MYH11: variants seen among roughly 807,000 people sequenced by gnomAD.
MYH11 encodes myosin heavy chain 11, also known as myosin-11.
A neutral mutation model predicts 246.6 loss-of-function variants in MYH11; 80 were observed. That is an observed-to-expected ratio of 0.32 (90% CI 0.27 to 0.39). The LOEUF is 0.39. Ranked by LOEUF, MYH11 falls within the 10% of genes least tolerant of loss-of-function variation. MYH11 has a pLI of 1.00. For synonymous variants in MYH11, 1,071 were observed against 1,015.5 expected (o/e 1.05, Z -1.04); for missense variants, 2,158 against 2,546.8 (o/e 0.85, Z 3.29).
At chr16:15,730,730 T>A (rs374679886) in intron 27 of MYH11, among the ~76,000 whole-genome samples, 1 of 152,068 alleles carries the variant, frequency 6.6e-6, no homozygotes, top group East Asian at 1.9e-4. Flanking sequence ...CTGAGGGTAA[T>A]GTAACTCAGG....
At chr16:15,780,781 G>T (rs2042335062) in intron 6 of MYH11, among the ~76,000 whole-genome samples, 1 of 151,876 alleles carries the variant, frequency 6.6e-6, no homozygotes, top group Non-Finnish European at 1.5e-5. Context: ...CTCTGTGCCT[G>T]GTCTAGATTT....
intron 38 of MYH11, 104 bp downstream of exon 38, chr16:15,717,036 T>C: frequency 7.8e-7 from 1 of 1,282,218 alleles, no homozygotes; most frequent in Non-Finnish European, 1.1e-6. Flanking sequence ...AGCTTGCTTC[T>C]TACAAGCCAG....
chr16:15,737,757 C>T (rs569351328), intron 24 of MYH11, 137 bp from the exon 25 acceptor site: 3 of 842,024 alleles, frequency 3.6e-6, no homozygotes, highest in South Asian at 3.0e-5. Flanking sequence ...ACGGTCTGGA[C>T]CATTATCTCC....
At chr16:15,753,358 A>C in intron 15 of MYH11, 36 bp downstream of exon 15, 1 of 1,586,384 alleles carries the variant, frequency 6.3e-7, no homozygotes, top group Non-Finnish European at 8.7e-7. Context: ...TCTCCAGCTC[A>C]AAGCAGAACA....
intron 1 of MYH11, among the ~76,000 whole-genome samples, chr16:15,842,845 A>G (rs11866552): frequency 0.015 from 2,272 of 151,620 alleles, 58 homozygotes; most frequent in African/African-American, 0.05. Context: ...TCAGATATCC[A>G]GAAAGAGAAA....
At chr16:15,760,083 CA>C (rs1384436541) in intron 11 of MYH11, among the ~76,000 whole-genome samples, 2 of 151,494 alleles carry the variant, frequency 1.3e-5, no homozygotes, top group Non-Finnish European at 2.9e-5. Context: ...GGCAACAGAG[CA>C]AGGCTCTGGC....
Position 15,787,764 on chromosome 16 carries a change from G to A in MYH11, c.531-1032C>T, listed in dbSNP as rs551119320. Among the ~76,000 whole-genome samples, 6 of 152,204 alleles carry A rather than the reference G, an allele frequency of 3.9e-5. No individual in the cohort carries two copies. In the East Asian group the frequency reaches 1.2e-3, roughly 29 times the overall value. ...CTAGAAATGGAAAGACCAGGCACAA[G>A]GCAGCCTTCAAGAAAGGATGTAAGT... On this transcript the variant is annotated intron_variant, in intron 4 of 40. Coordinates refer to ENST00000300036, the MANE Select transcript of MYH11 (RefSeq NM_002474.3).
chr16:15,776,155 G>A lies in MYH11; in HGVS notation c.812C>T (p.Ala271Val). The A allele has an allele frequency of 6.2e-7, 1 of 1,613,906 alleles. No homozygotes were observed. The highest frequency in any genetic ancestry group is 8.5e-7 in the Non-Finnish European group (1 of 1,179,818). Residue 271 changes from alanine to valine, a missense_variant, in exon 8 of 41, where the codon GCA becomes GTA. By Grantham distance (64) the Ala-to-Val change is moderately conservative. Coordinates refer to ENST00000300036, the MANE Select transcript of MYH11 (RefSeq NM_002474.3). ...CCTCTCGTCTCTGGCTTGGCGAATTGCCCGTGATTTTTCTAGCAGATCTGG... is the reference window on the plus strand; with the variant it reads ...CCTCTCGTCTCTGGCTTGGCGAATTACCCGTGATTTTTCTAGCAGATCTGG... The part of the protein sequence containing the change: ...IETYLLEKSR[A>V]IRQARDERTF...
At chr16:15,795,165 G>A (rs1313038885) in intron 4 of MYH11, among the ~76,000 whole-genome samples, 1 of 152,020 alleles carries the variant, frequency 6.6e-6, no homozygotes, top group East Asian at 1.9e-4. Context: ...AAAATTAGCT[G>A]GGCATGATGG....
In MYH11 at chr16:15,750,359, G is replaced by A. The variant is rs1312725826; in HGVS notation, c.1865-28C>T. 6.4e-7 allele frequency: 1 copy of A among 1,563,882 alleles called. No homozygotes were observed. Among genetic ancestry groups the A allele is most frequent in the Non-Finnish European group, 8.6e-7 (1 of 1,157,342 alleles). On this transcript the variant is annotated intron_variant, in intron 15 of 40. Coordinates refer to ENST00000300036, the MANE Select transcript of MYH11 (RefSeq NM_002474.3). This position sits in a 1 kb window ranked among gnomAD's most constrained non-coding sequence, Gnocchi z 4.3. ...ATGGGGCACAGCCAGGGTGGCATCA[G>A]CCTCTGGCCCACCCACCCCTAAATA...
intron 40 of MYH11, chr16:15,708,934 G>T: frequency 7.7e-7 from 1 of 1,292,690 alleles, no homozygotes; most frequent in Non-Finnish European, 1.1e-6. Context: ...CATTTGCTTC[G>T]ATTTAATAAT....
Position 15,829,955 on chromosome 16 carries a change from T to C in MYH11, c.346-6544A>G, listed in dbSNP as rs573927125. ...TTCGAGACCAGCCCGGCCAACACAG[T>C]GAAACCTCATCTCTACTAAAAATAC... On this transcript the variant is annotated intron_variant, in intron 2 of 40. Transcript: ENST00000300036. 1.1e-4 allele frequency among the ~76,000 whole-genome samples: 17 copies of C among 152,134 alleles called. No homozygotes were observed. The South Asian group carries it at 3.5e-3, about 32-fold the overall frequency.
intron 34 of MYH11, 78 bp from the exon 35 acceptor site, chr16:15,719,791 C>A: frequency 6.3e-7 from 1 of 1,590,000 alleles, no homozygotes; most frequent in African/African-American, 1.3e-5. Flanking sequence ...GCTTTGCACA[C>A]CCACCCCTTG....
At chr16:15,734,829 C>T (rs2041067823) in intron 26 of MYH11, among the ~76,000 whole-genome samples, 1 of 152,066 alleles carries the variant, frequency 6.6e-6, no homozygotes, top group Admixed American at 6.6e-5. Context: ...TCCAATGTGG[C>T]CAAGGGAAGC....
At chr16:15,712,405 G>A (rs202229573) in intron 40 of MYH11, among the ~76,000 whole-genome samples, 16 of 152,086 alleles carry the variant, frequency 1.1e-4, no homozygotes, top group East Asian at 9.7e-4. Flanking sequence ...ATCCCAGCAC[G>A]TGGGGAGGCT....
At chr16:15,780,289 G>A (rs916768118) in intron 6 of MYH11, among the ~76,000 whole-genome samples, 1 of 151,924 alleles carries the variant, frequency 6.6e-6, no homozygotes, top group African/African-American at 2.4e-5. Context: ...GGCCGCTGTT[G>A]TTAGTGAACA....
chr16:15,818,746 T>C (rs2151352636), intron 3 of MYH11, among the ~76,000 whole-genome samples: 1 of 152,248 alleles, frequency 6.6e-6, no homozygotes, highest in East Asian at 1.9e-4. Flanking sequence ...CTTTTTATTT[T>C]TGGAGTCCGC....
intron 40 of MYH11, among the ~76,000 whole-genome samples, chr16:15,706,412 C>T (rs2039458790): frequency 6.6e-6 from 1 of 152,172 alleles, no homozygotes; most frequent in African/African-American, 2.4e-5. Flanking sequence ...CAGGTTCAAA[C>T]CCTGATGGGT....
intron 2 of MYH11, among the ~76,000 whole-genome samples, chr16:15,834,622 AAG>A (rs2043842660): frequency 6.6e-6 from 1 of 152,152 alleles, no homozygotes. Context: ...TGCCACAGAC[AAG>A]AGACTTCCCC....
Sources: gnomAD v4.1 joint callset for allele counts (sites outside exome capture counted in the v4.1 genomes callset) on GRCh38, gnomAD v4.1.1 for gene constraint, Gnocchi (gnomAD v3.1) non-coding constraint, MANE v1.5 for transcripts, NCBI Gene and HGNC (gene_info 2026-07-23, HGNC 2026-07-21) for gene names.